The following ACCSL variants were observed in gnomAD, a reference collection of about 807,000 sequenced individuals.
ACCSL encodes the protein probable inactive 1-aminocyclopropane-1-carboxylate synthase-like protein 2.
In ACCSL, 55 loss-of-function variants were observed where a neutral mutation model predicts 61.7. That is an observed-to-expected ratio of 0.89 (90% CI 0.72 to 1.12). The LOEUF is 1.12. Ranked by LOEUF, ACCSL falls within the 50% of genes most tolerant of loss-of-function variation. The pLI, the probability that ACCSL is intolerant of heterozygous loss-of-function variation, is 0.00. For synonymous variants in ACCSL, 258 were observed against 264.3 expected (o/e 0.98, Z 0.23); for missense variants, 632 against 698.0 (o/e 0.91, Z 1.07).
chr11:43,924,507 C>T, the ACCSL span, among the ~76,000 whole-genome samples: 1 of 152,200 alleles, frequency 6.6e-6, no homozygotes, highest in Non-Finnish European at 1.5e-5. Context: ...GCAGGAAGGA[C>T]GGGGGCAGGC....
chr11:43,924,122 T>C, the ACCSL span, among the ~76,000 whole-genome samples: 1 of 152,224 alleles, frequency 6.6e-6, no homozygotes. Flanking sequence ...GAGTAACTAC[T>C]CCCTTGGGAC....
the ACCSL span, among the ~76,000 whole-genome samples, chr11:43,924,711 G>A: frequency 1.3e-5 from 2 of 152,346 alleles, no homozygotes; most frequent in South Asian, 4.1e-4. Context: ...CTGAGTCTGA[G>A]CCACCTGCCT....
chr11:44,014,570 C>G, the ACCSL span, among the ~76,000 whole-genome samples: 1 of 151,766 alleles, frequency 6.6e-6, no homozygotes, highest in Non-Finnish European at 1.5e-5. Flanking sequence ...AAGGGACATA[C>G]CACCACTTCC....
At chr11:44,037,024 A>G in the ACCSL span, among the ~76,000 whole-genome samples, 6 of 152,250 alleles carry the variant, frequency 3.9e-5, no homozygotes, top group African/African-American at 1.4e-4. Flanking sequence ...AGGTTATGCA[A>G]TCTGGAGGGA....
the ACCSL span, among the ~76,000 whole-genome samples, chr11:44,007,923 C>T: frequency 2.6e-5 from 4 of 152,122 alleles, no homozygotes; most frequent in African/African-American, 4.8e-5. Flanking sequence ...ACTCCTAAAA[C>T]AGCACACAGG....
At chr11:43,949,323 G>A in the ACCSL span, among the ~76,000 whole-genome samples, 34 of 152,238 alleles carry the variant, frequency 2.2e-4, no homozygotes, top group Non-Finnish European at 4.1e-4. Flanking sequence ...ACAGATCTGT[G>A]TTACAACGGT....
the ACCSL span, among the ~76,000 whole-genome samples, chr11:43,991,434 C>T: frequency 1.3e-5 from 2 of 152,200 alleles, no homozygotes; most frequent in African/African-American, 2.4e-5. Context: ...CATTCAATTC[C>T]TAAGTTTCCA....
the ACCSL span, among the ~76,000 whole-genome samples, chr11:43,970,297 C>CG: frequency 6.6e-6 from 1 of 152,090 alleles, no homozygotes; most frequent in Non-Finnish European, 1.5e-5. Flanking sequence ...CCTCGACCTC[C>CG]TGGGCTCACG....
At chr11:43,967,167 C>CTTTTTTT in the ACCSL span, among the ~76,000 whole-genome samples, 338 of 62,704 alleles carry the variant, frequency 5.4e-3, 66 homozygotes, top group African/African-American at 0.01. Flanking sequence ...TCTTCTTCTT[C>CTTTTTTT]TTTTTTTTTT....
chr11:44,045,606 C>A (rs1952593136), upstream of ACCSL, among the ~76,000 whole-genome samples: 1 of 152,140 alleles, frequency 6.6e-6, no homozygotes, highest in Admixed American at 6.5e-5. Context: ...CCTACTAGGC[C>A]ACACTGGCCT....
At chr11:44,018,715 C>T in the ACCSL span, among the ~76,000 whole-genome samples, 1 of 152,176 alleles carries the variant, frequency 6.6e-6, no homozygotes, top group South Asian at 2.1e-4. Flanking sequence ...TGCCTGTAAT[C>T]TCAGCACATT....
chr11:43,929,838 A>G, the ACCSL span, among the ~76,000 whole-genome samples: 2 of 152,132 alleles, frequency 1.3e-5, no homozygotes, highest in Non-Finnish European at 2.9e-5. Context: ...GAACCACCGT[A>G]CCTGGCCTCT....
chr11:43,959,128 T>C, the ACCSL span, among the ~76,000 whole-genome samples: 2 of 152,266 alleles, frequency 1.3e-5, no homozygotes, highest in South Asian at 2.1e-4. Context: ...GGGCATTACA[T>C]GTCAATGTGA....
chr11:43,952,962 C>T, the ACCSL span, among the ~76,000 whole-genome samples: 1 of 152,166 alleles, frequency 6.6e-6, no homozygotes, highest in Non-Finnish European at 1.5e-5. Flanking sequence ...ATCGTTGCTG[C>T]CAGGAGGATC....
chr11:43,943,448 C>T, the ACCSL span: 2,297 of 1,431,408 alleles, frequency 1.6e-3, 23 homozygotes, highest in African/African-American at 0.029. The surrounding 1 kb of genome is among the most constrained non-coding windows in gnomAD (Gnocchi z 4.8). Flanking sequence ...CCCCTCGCCG[C>T]GCTCGCCCTG....
the ACCSL span, among the ~76,000 whole-genome samples, chr11:43,940,687 A>G: frequency 1.3e-5 from 2 of 151,734 alleles, no homozygotes; most frequent in East Asian, 3.9e-4. Context: ...ACCTGCCACT[A>G]AGGCCTCAAG....
At chr11:43,995,050 G>C in the ACCSL span, 3 of 152,366 alleles carry the variant, frequency 2.0e-5, no homozygotes, top group South Asian at 4.2e-4. Flanking sequence ...AGAGACTTAT[G>C]CAAGGTGAGT....
chr11:44,040,860 A>T, the ACCSL span, among the ~76,000 whole-genome samples: 1 of 152,118 alleles, frequency 6.6e-6, no homozygotes, highest in Non-Finnish European at 1.5e-5. Flanking sequence ...GCGCCCTTCC[A>T]GGGAGAGGCC....
the ACCSL span, among the ~76,000 whole-genome samples, chr11:43,978,783 GTTTTTTTTTTTTTT>G: frequency 3.6e-3 from 288 of 79,148 alleles, 5 homozygotes; most frequent in Non-Finnish European, 2.5e-3. Flanking sequence ...GAGAAGGTGG[GTTTTTTTTTTTTTT>G]TTTTTTTTTT....
Sources: allele counts gnomAD v4.1 joint callset (sites outside exome capture counted in the v4.1 genomes callset), GRCh38; gene constraint gnomAD v4.1.1; non-coding constraint Gnocchi (gnomAD v3.1); transcripts MANE v1.5; gene names NCBI Gene and HGNC (gene_info 2026-07-23, HGNC 2026-07-21).